Variants in GRIK4 observed in about 807,000 individuals in gnomAD.
GRIK4 encodes the protein glutamate ionotropic receptor kainate type subunit 4.
A neutral mutation model predicts 104.9 loss-of-function variants in GRIK4; 40 were observed. The observed-to-expected ratio is 0.38, with a 90% CI of 0.30 to 0.50. The LOEUF (loss-of-function observed/expected upper bound fraction) is 0.50, where lower values mean the gene tolerates loss of function less well. GRIK4 is among the 20% of genes least tolerant of loss of function. The probability of loss-of-function intolerance (pLI) is 0.93; values close to 1 mark genes in which losing one functional copy is unlikely to be tolerated. For missense variants in GRIK4, 1,047 were observed against 1,308.1 expected (o/e 0.80, Z 3.08); for synonymous variants, 485 against 524.9 (o/e 0.92, Z 1.04).
intron 1 of GRIK4, among the ~76,000 whole-genome samples, chr11:120,649,408 G>A (rs1051852839): frequency 3.3e-5 from 5 of 152,192 alleles, no homozygotes; most frequent in African/African-American, 1.2e-4. Flanking sequence ...GATGTAGTGG[G>A]GTCTCCACCT....
chr11:120,826,248 C>A (rs1258907699), intron 6 of GRIK4, among the ~76,000 whole-genome samples: 1 of 152,174 alleles, frequency 6.6e-6, no homozygotes, highest in Non-Finnish European at 1.5e-5. Context: ...TCTCTCCCAG[C>A]TTTCCTAAAG....
chr11:120,585,748 A>G lies in GRIK4; in HGVS notation c.-158-67937A>G, dbSNP rs1948654591. Among the ~76,000 whole-genome samples the G allele has an allele frequency of 2.0e-5, 3 of 146,344 alleles. No individual in the cohort carries two copies. In the South Asian group the frequency reaches 6.5e-4, roughly 31 times the overall value. On this transcript the variant is annotated intron_variant, in intron 1 of 20. Coordinates refer to ENST00000527524, the MANE Select transcript of GRIK4 (RefSeq NM_014619.5). ...TTGTTTTTTTTTTTTGCAAATGGGT[A>G]TCCAATCATTTTAGCACCATTTGTT...
rs544685828 is a variant in GRIK4 at position 120,752,158 on chromosome 11, G to A, written c.83-50535G>A. ...TCACCAACTTCTTGTGACCAGTGAG[G>A]AACAGACACTCAGGGCAACCGGGGC... On this transcript the variant is annotated intron_variant, in intron 3 of 20. Coordinates refer to ENST00000527524, the MANE Select transcript of GRIK4 (RefSeq NM_014619.5). Among the ~76,000 whole-genome samples, 6 of 152,292 alleles carry A rather than the reference G, an allele frequency of 3.9e-5. No homozygotes were observed. In the South Asian group the frequency reaches 1.0e-3, roughly 26 times the overall value.
Position 120,644,048 on chromosome 11 carries a change from A to T in GRIK4, c.-158-9637A>T, listed in dbSNP as rs374364851. Among the ~76,000 whole-genome samples the T allele has an allele frequency of 7.5e-3, 522 of 69,452 alleles. 1 individual carries two copies. The highest frequency in any genetic ancestry group is 0.031 in the Admixed American group (237 of 7,530). 45.6% of individuals were successfully genotyped at this position (69,452 alleles called of 152,430 possible). Reference sequence around the variant, plus strand: ...GTGTGTGTGTGTGTGTGTGTGTGAGAGAGAGAGAGAGGAGAGAGAGAGAGA... The same window carrying T: ...GTGTGTGTGTGTGTGTGTGTGTGAGTGAGAGAGAGAGGAGAGAGAGAGAGA... On this transcript the variant is annotated intron_variant, in intron 1 of 20. Transcript: ENST00000527524.
At chr11:120,600,932 T>C (rs1948876274) in intron 1 of GRIK4, among the ~76,000 whole-genome samples, 1 of 151,784 alleles carries the variant, frequency 6.6e-6, no homozygotes, top group African/African-American at 2.4e-5. Flanking sequence ...GGCATGCGCC[T>C]GTAGTTCCAG....
intron 3 of GRIK4, among the ~76,000 whole-genome samples, chr11:120,795,521 T>C (rs1357915100): frequency 2.0e-5 from 3 of 152,264 alleles, no homozygotes; most frequent in East Asian, 1.9e-4. Context: ...CTTGAATTAT[T>C]GATTCACTCA....
intron 1 of GRIK4, among the ~76,000 whole-genome samples, chr11:120,537,775 A>G (rs558931412): frequency 3.3e-4 from 51 of 152,280 alleles, no homozygotes; most frequent in African/African-American, 1.1e-3. Flanking sequence ...ATGCTCAGTA[A>G]TGAATGAGGG....
chr11:120,853,108 G>A (rs535619439), intron 8 of GRIK4, among the ~76,000 whole-genome samples: 13 of 152,242 alleles, frequency 8.5e-5, no homozygotes, highest in South Asian at 4.2e-4. Context: ...GAACAAACTC[G>A]TGATAAAAAG....
rs146698373 is a variant in GRIK4, at chr11:120,784,457, C to T, written c.83-18236C>T. 2.8e-3 allele frequency among the ~76,000 whole-genome samples: 428 copies of T among 152,166 alleles called. 4 individuals are homozygous for T. The East Asian group carries it at 0.046, about 16-fold the overall frequency. Reference sequence around the variant, plus strand: ...TCATTTTCTCCTGCTTGCTTTTTTCCTTGGTGTGGTCAGACCTCTGGCTCC... The same window carrying T: ...TCATTTTCTCCTGCTTGCTTTTTTCTTTGGTGTGGTCAGACCTCTGGCTCC... On this transcript the variant is annotated intron_variant, in intron 3 of 20. Coordinates refer to ENST00000527524, the MANE Select transcript of GRIK4 (RefSeq NM_014619.5).
chr11:120,534,032 G>C (rs1947947518), intron 1 of GRIK4, among the ~76,000 whole-genome samples: 1 of 152,214 alleles, frequency 6.6e-6, no homozygotes, highest in Non-Finnish European at 1.5e-5. Context: ...CCTGACACAG[G>C]CTGGAGGCAC....
intron 1 of GRIK4, among the ~76,000 whole-genome samples, chr11:120,586,767 C>T (rs1019245564): frequency 2.0e-5 from 3 of 152,136 alleles, no homozygotes; most frequent in Admixed American, 2.0e-4. Context: ...CCTAGGGATC[C>T]CTGATTTGAT....
At chr11:120,737,853 T>A (rs968511550) in intron 3 of GRIK4, among the ~76,000 whole-genome samples, 4 of 152,332 alleles carry the variant, frequency 2.6e-5, no homozygotes, top group Middle Eastern at 3.4e-3. Context: ...TTATGAGGTG[T>A]TCACCTTATA....
chr11:120,940,391 G>T lies in GRIK4; in HGVS notation c.1521G>T (p.Arg507=). 1.2e-6 allele frequency: 2 copies of T among 1,613,858 alleles called. No homozygotes were observed. Among genetic ancestry groups the T allele is most frequent in the Non-Finnish European group, 1.7e-6 (2 of 1,179,768 alleles). The change falls in exon 14 of 21, where the codon CGG becomes CGT. Residue 507 remains arginine, a synonymous_variant. Coordinates refer to ENST00000527524, the MANE Select transcript of GRIK4 (RefSeq NM_014619.5). This position sits in a 1 kb window ranked among gnomAD's most constrained non-coding sequence, Gnocchi z 4.3. Reference sequence around the variant, plus strand: ...CAGGCCTCACCATTACAGCTGAACGGGAGAAGGTGATTGATTTCTCTAAGC... The same window carrying T: ...CAGGCCTCACCATTACAGCTGAACGTGAGAAGGTGATTGATTTCTCTAAGC... ...AVAGLTITAE[R]EKVIDFSKPF... is the part of the protein sequence containing the mutation.
intron 3 of GRIK4, among the ~76,000 whole-genome samples, chr11:120,777,139 G>A (rs1378587492): frequency 6.6e-6 from 1 of 152,036 alleles, no homozygotes; most frequent in Admixed American, 6.6e-5. Flanking sequence ...CACCGACGCG[G>A]GTTTCTTCAA....
At chr11:120,523,605 A>G (rs957480270) in intron 1 of GRIK4, among the ~76,000 whole-genome samples, 2 of 152,186 alleles carry the variant, frequency 1.3e-5, no homozygotes, top group African/African-American at 2.4e-5. Context: ...CCATTGGACA[A>G]GGGAAAACAC....
At position 120,832,000 on chromosome 11, in the gene GRIK4, C is replaced by T. The variant is rs745483579; in HGVS notation, c.660C>T (p.Asn220=). Residue 220 remains asparagine (N), a synonymous_variant, in exon 7 of 21, where the codon AAC becomes AAT. Coordinates refer to ENST00000527524, the MANE Select transcript of GRIK4 (RefSeq NM_014619.5). ...DKTATIIIHA[N]ASMSHTILLK... ...CCGCCACCATCATCATCCACGCCAACGCCTCCATGTCCCACACCATCCTCC... is the reference window on the plus strand; with the variant it reads ...CCGCCACCATCATCATCCACGCCAATGCCTCCATGTCCCACACCATCCTCC... 51 of 1,613,474 alleles carry T rather than the reference C, an allele frequency of 3.2e-5. No individual in the cohort carries two copies. Among genetic ancestry groups the T allele is most frequent in the Middle Eastern group, 1.7e-4 (1 of 5,838 alleles).
At chr11:120,796,264 T>C (rs900204458) in intron 3 of GRIK4, among the ~76,000 whole-genome samples, 19 of 152,140 alleles carry the variant, frequency 1.2e-4, no homozygotes, top group Non-Finnish European at 2.6e-4. Flanking sequence ...CTCGCTCTCC[T>C]GACCTCGTGA....
chr11:120,710,297 C>T (rs1290028940), intron 3 of GRIK4, among the ~76,000 whole-genome samples: 2 of 152,132 alleles, frequency 1.3e-5, no homozygotes, highest in African/African-American at 4.8e-5. Context: ...CTATAATTTG[C>T]CAGATGAGAA....
chr11:120,753,444 G>A (rs1315741885), intron 3 of GRIK4, among the ~76,000 whole-genome samples: 1 of 151,994 alleles, frequency 6.6e-6, no homozygotes, highest in African/African-American at 2.4e-5. Flanking sequence ...TTGGCTGAGC[G>A]GCCTCAGACA....
Sources: gnomAD v4.1 joint callset for allele counts (sites outside exome capture counted in the v4.1 genomes callset) on GRCh38, gnomAD v4.1.1 for gene constraint, Gnocchi (gnomAD v3.1) non-coding constraint, MANE v1.5 for transcripts, NCBI Gene and HGNC (gene_info 2026-07-23, HGNC 2026-07-21) for gene names.